EFHD1: variants seen among roughly 807,000 people sequenced by gnomAD.
EFHD1 encodes EF-hand domain family member D1.
EFHD1 carries 10 observed loss-of-function variants against 17.2 expected under a neutral mutation model. The observed-to-expected ratio is 0.58, with a 90% CI of 0.36 to 0.99. EFHD1 has a LOEUF of 0.99. EFHD1 is among the 50% of genes least tolerant of loss of function. The probability of loss-of-function intolerance (pLI) is 0.01; values close to 1 mark genes in which losing one functional copy is unlikely to be tolerated. For synonymous variants in EFHD1, 153 were observed against 142.0 expected (o/e 1.08, Z -0.55); for missense variants, 310 against 327.5 (o/e 0.95, Z 0.41).
intron 3 of EFHD1, among the ~76,000 whole-genome samples, chr2:232,676,137 T>C (rs904936251): frequency 1.3e-5 from 2 of 151,848 alleles, no homozygotes; most frequent in African/African-American, 4.8e-5. Context: ...ATCAGGCCAT[T>C]GCACTCCAGC....
At chr2:232,636,886 G>A (rs1371330738) in intron 1 of EFHD1, among the ~76,000 whole-genome samples, 1 of 152,130 alleles carries the variant, frequency 6.6e-6, no homozygotes, top group Non-Finnish European at 1.5e-5. Flanking sequence ...ACTTTGCTGA[G>A]TCCACTTTAT....
intron 1 of EFHD1, among the ~76,000 whole-genome samples, chr2:232,611,194 C>A (rs1198570700): frequency 2.0e-5 from 3 of 152,054 alleles, no homozygotes; most frequent in Non-Finnish European, 2.9e-5. Flanking sequence ...TGGTCTTGAA[C>A]TCCTGGCCTT....
intron 1 of EFHD1, among the ~76,000 whole-genome samples, chr2:232,611,310 G>T (rs939117773): frequency 6.6e-5 from 1 of 15,172 alleles, no homozygotes; most frequent in African/African-American, 1.9e-3. Flanking sequence ...TGGGGGTCGG[G>T]GGGGGGGCAT....
intron 3 of EFHD1, among the ~76,000 whole-genome samples, chr2:232,678,449 T>A (rs1357618244): frequency 1.3e-5 from 2 of 152,100 alleles, no homozygotes; most frequent in Non-Finnish European, 2.9e-5. Context: ...CCATTCATAA[T>A]AAAACATTTT....
intron 1 of EFHD1, among the ~76,000 whole-genome samples, chr2:232,619,603 C>T (rs2106185838): frequency 6.6e-6 from 1 of 152,228 alleles, no homozygotes; most frequent in East Asian, 1.9e-4. Flanking sequence ...AGCCACTGTG[C>T]CCAGCCAAGA....
intron 1 of EFHD1, among the ~76,000 whole-genome samples, chr2:232,661,240 TCAC>T (rs1244157877): frequency 6.6e-6 from 1 of 152,082 alleles, no homozygotes; most frequent in African/African-American, 2.4e-5. Flanking sequence ...CGTGCTGCCA[TCAC>T]CACCATCCAT....
At chr2:232,623,981 T>G (rs1694066800) in intron 1 of EFHD1, among the ~76,000 whole-genome samples, 1 of 152,066 alleles carries the variant, frequency 6.6e-6, no homozygotes, top group Admixed American at 6.6e-5. Context: ...GCTGGGAGGA[T>G]GGAGCTTCCT....
intron 1 of EFHD1, among the ~76,000 whole-genome samples, chr2:232,654,459 C>T (rs1257299822): frequency 8.3e-6 from 1 of 119,902 alleles, no homozygotes; most frequent in African/African-American, 3.2e-5. Flanking sequence ...CTCACTCTGT[C>T]ACCCAGGGTG....
intron 2 of EFHD1, among the ~76,000 whole-genome samples, chr2:232,671,211 G>T (rs1433036779): frequency 6.6e-6 from 1 of 151,718 alleles, no homozygotes; most frequent in East Asian, 1.9e-4. Context: ...GAGGCAGGAG[G>T]ATCACTTGAG....
chr2:232,616,464 A>T (rs1038221176), intron 1 of EFHD1, among the ~76,000 whole-genome samples: 3 of 152,000 alleles, frequency 2.0e-5, no homozygotes, highest in African/African-American at 7.3e-5. Context: ...ACACCCAGCT[A>T]ATTTTTGTAT....
chr2:232,663,704 G>A (rs781573135), intron 2 of EFHD1, among the ~76,000 whole-genome samples: 3 of 152,058 alleles, frequency 2.0e-5, no homozygotes, highest in South Asian at 2.1e-4. Flanking sequence ...AATGTGTAAC[G>A]ACCAAGTCAG....
rs185000940 is a variant in EFHD1, at chr2:232,654,567, T to A, written c.303-8235T>A. Among the ~76,000 whole-genome samples the A allele has an allele frequency of 2.1e-3, 315 of 151,746 alleles. 1 individual carries two copies. The highest frequency in any genetic ancestry group is 6.7e-3 in the African/African-American group (278 of 41,400). ...TCCTGAGTAGCTGGGATTACAGGTGTGGGTATCCGCCACCCCACCAGGCTA... is the reference window on the plus strand; with the variant it reads ...TCCTGAGTAGCTGGGATTACAGGTGAGGGTATCCGCCACCCCACCAGGCTA... On this transcript the variant is annotated intron_variant, in intron 1 of 3. Transcript: ENST00000264059.
At chr2:232,638,552 A>G (rs1694362518) in intron 1 of EFHD1, 45 of 445,614 alleles carry the variant, frequency 1.0e-4, no homozygotes, top group South Asian at 6.8e-4. Flanking sequence ...TCTCCTCCTT[A>G]GTCTTGTCTC....
At chr2:232,645,628 C>T (rs1202649436) in intron 1 of EFHD1, among the ~76,000 whole-genome samples, 2 of 152,152 alleles carry the variant, frequency 1.3e-5, no homozygotes, top group Non-Finnish European at 2.9e-5. Flanking sequence ...TCGTGCCTCT[C>T]CACCCTATAA....
At chr2:232,630,022 T>C (rs2106190893), upstream of EFHD1, among the ~76,000 whole-genome samples, 1 of 152,094 alleles carries the variant, frequency 6.6e-6, no homozygotes. Flanking sequence ...CGATCTTGGC[T>C]CACTGCAATC....
intron 2 of EFHD1, among the ~76,000 whole-genome samples, chr2:232,668,602 T>G (rs1695009678): frequency 6.6e-6 from 1 of 152,254 alleles, no homozygotes; most frequent in South Asian, 2.1e-4. Flanking sequence ...TGCTCTGTCT[T>G]CTCTTAAAAA....
intron 3 of EFHD1, among the ~76,000 whole-genome samples, chr2:232,675,033 G>A (rs1049303584): frequency 3.3e-5 from 5 of 151,964 alleles, no homozygotes; most frequent in African/African-American, 1.2e-4. Context: ...AAAATTAGCT[G>A]GGTGTGGTGG....
upstream of EFHD1, among the ~76,000 whole-genome samples, chr2:232,631,691 T>TAAAAAAA (rs34689384): frequency 2.4e-4 from 28 of 115,750 alleles, no homozygotes; most frequent in East Asian, 5.9e-4. Context: ...ATAAGAACAT[T>TAAAAAAA]AAAAAAAAAA....
intron 1 of EFHD1, among the ~76,000 whole-genome samples, chr2:232,642,751 C>T (rs912078850): frequency 1.3e-5 from 2 of 152,030 alleles, no homozygotes; most frequent in Non-Finnish European, 2.9e-5. Context: ...GGGTCACCTG[C>T]AGCTGTTCCC....
Sources: allele counts gnomAD v4.1 joint callset (sites outside exome capture counted in the v4.1 genomes callset), GRCh38; gene constraint gnomAD v4.1.1; transcripts MANE v1.5; gene names NCBI Gene and HGNC (gene_info 2026-07-23, HGNC 2026-07-21).